The following THSD7B variants were observed in gnomAD, a reference collection of about 807,000 sequenced individuals.
THSD7B encodes the protein thrombospondin type-1 domain-containing protein 7B.
In THSD7B, 138 loss-of-function variants were observed where a neutral mutation model predicts 213.6. The observed-to-expected ratio is 0.65, with a 90% CI of 0.56 to 0.74. THSD7B has a LOEUF of 0.74. THSD7B is among the 30% of genes least tolerant of loss of function. The pLI, the probability that THSD7B is intolerant of heterozygous loss-of-function variation, is 0.00. For missense variants in THSD7B, 1,931 were observed against 1,991.5 expected (o/e 0.97, Z 0.58); for synonymous variants, 742 against 687.0 (o/e 1.08, Z -1.25).
chr2:137,182,969 T>C (rs1680482437), intron 7 of THSD7B, among the ~76,000 whole-genome samples: 1 of 152,168 alleles, frequency 6.6e-6, no homozygotes, highest in Non-Finnish European at 1.5e-5. Flanking sequence ...TGAATACTGC[T>C]GCAGAAATGT....
chr2:137,529,492 A>T (rs1335007809), intron 15 of THSD7B, among the ~76,000 whole-genome samples: 1 of 146,256 alleles, frequency 6.8e-6, no homozygotes, highest in Non-Finnish European at 1.5e-5. Context: ...GGAGGAGTTG[A>T]ACCTTGAAAG....
At chr2:137,363,352 C>T (rs984958576) in intron 12 of THSD7B, among the ~76,000 whole-genome samples, 1 of 152,072 alleles carries the variant, frequency 6.6e-6, no homozygotes, top group Non-Finnish European at 1.5e-5. Flanking sequence ...CAAACAAATT[C>T]AAAAGCTAGC....
intron 5 of THSD7B, chr2:137,156,192 G>T (rs1369936498): frequency 6.6e-6 from 1 of 152,176 alleles, no homozygotes; most frequent in Non-Finnish European, 1.5e-5. Flanking sequence ...TCTGAAGCTG[G>T]TAAGTTCTTT....
At chr2:137,621,734 A>G (rs1436979611) in intron 20 of THSD7B, among the ~76,000 whole-genome samples, 1 of 152,330 alleles carries the variant, frequency 6.6e-6, no homozygotes, top group African/African-American at 2.4e-5. Flanking sequence ...ATCCTGGTAC[A>G]CTGTTAGTAC....
intron 12 of THSD7B, among the ~76,000 whole-genome samples, chr2:137,317,269 A>G (rs1315383015): frequency 1.3e-5 from 2 of 152,210 alleles, no homozygotes; most frequent in East Asian, 3.8e-4. Context: ...TATGATACAA[A>G]CATCAAGTAT....
intron 17 of THSD7B, among the ~76,000 whole-genome samples, chr2:137,595,826 T>C (rs1292976113): frequency 6.6e-6 from 1 of 151,938 alleles, no homozygotes; most frequent in Non-Finnish European, 1.5e-5. Context: ...AATAATATTA[T>C]TACAAACTTC....
chr2:137,411,800 C>T lies in THSD7B; in HGVS notation c.2887C>T (p.Leu963=). ...QADSKECGEG[L]RFRAVACSDK... ...AGACAGCAAAGAATGTGGAGAAGGC[C>T]TGCGCTTTCGAGCAGTAGCCTGTTC... is the stretch of plus-strand genomic sequence containing the variant. Residue 963 remains leucine (L), a synonymous_variant, in exon 14 of 28, where the codon CTG becomes TTG. Coordinates refer to ENST00000409968, the MANE Select transcript of THSD7B (RefSeq NM_001316349.2). The T allele has an allele frequency of 1.2e-6, 2 of 1,613,944 alleles. No individual in the cohort carries two copies. Among genetic ancestry groups the T allele is most frequent in the Non-Finnish European group, 1.7e-6 (2 of 1,179,882 alleles).
chr2:136,847,841 G>A (rs1206302184), intron 1 of THSD7B, among the ~76,000 whole-genome samples: 1 of 152,138 alleles, frequency 6.6e-6, no homozygotes, highest in East Asian at 1.9e-4. Flanking sequence ...CTTCTATTTA[G>A]TTTGAATGAA....
At chr2:137,469,174 C>T (rs1221997872) in intron 15 of THSD7B, among the ~76,000 whole-genome samples, 1 of 152,130 alleles carries the variant, frequency 6.6e-6, no homozygotes, top group Non-Finnish European at 1.5e-5. Context: ...TTAAGTCTCC[C>T]ATGTCTAAGA....
At chr2:137,351,276 G>A (rs915584138) in intron 12 of THSD7B, among the ~76,000 whole-genome samples, 1 of 151,884 alleles carries the variant, frequency 6.6e-6, no homozygotes, top group Admixed American at 6.6e-5. Context: ...GCTTAACATA[G>A]AAGATATGCA....
At chr2:137,373,210 C>A (rs1379750428) in intron 12 of THSD7B, among the ~76,000 whole-genome samples, 1 of 152,166 alleles carries the variant, frequency 6.6e-6, no homozygotes, top group African/African-American at 2.4e-5. Flanking sequence ...TGGGTATATA[C>A]CCAGTAATGG....
chr2:137,288,869 G>A (rs964174201), intron 12 of THSD7B, among the ~76,000 whole-genome samples: 3 of 151,512 alleles, frequency 2.0e-5, no homozygotes, highest in African/African-American at 7.3e-5. Context: ...AAGCACAGAG[G>A]GCATGTAAAG....
At chr2:137,639,045 T>C (rs1363964811) in intron 20 of THSD7B, among the ~76,000 whole-genome samples, 3 of 151,694 alleles carry the variant, frequency 2.0e-5, no homozygotes, top group Non-Finnish European at 4.4e-5. Flanking sequence ...TCAAGCCAGC[T>C]GCAGAAATTT....
intron 7 of THSD7B, among the ~76,000 whole-genome samples, chr2:137,223,374 T>G (rs915927463): frequency 6.6e-6 from 1 of 152,228 alleles, no homozygotes; most frequent in African/African-American, 2.4e-5. Context: ...TCCAACATTG[T>G]TACGTACATG....
intron 2 of THSD7B, among the ~76,000 whole-genome samples, chr2:136,951,111 G>A (rs1327457699): frequency 6.6e-6 from 1 of 152,176 alleles, no homozygotes; most frequent in Non-Finnish European, 1.5e-5. Context: ...TGAAGGGCAT[G>A]AGGGAGGCCT....
intron 2 of THSD7B, among the ~76,000 whole-genome samples, chr2:136,941,986 C>T (rs1291845685): frequency 6.6e-6 from 1 of 152,162 alleles, no homozygotes; most frequent in Non-Finnish European, 1.5e-5. Context: ...TTAGGTCTAA[C>T]ATTTAAGTCT....
intron 15 of THSD7B, among the ~76,000 whole-genome samples, chr2:137,558,391 A>T (rs1681031838): frequency 2.6e-5 from 4 of 152,224 alleles, no homozygotes. Context: ...CATCCCTGGG[A>T]TGCAAGGCTG....
At chr2:137,172,926 G>A (rs757724062) in intron 7 of THSD7B, among the ~76,000 whole-genome samples, 2 of 152,116 alleles carry the variant, frequency 1.3e-5, no homozygotes, top group Non-Finnish European at 2.9e-5. Flanking sequence ...AGTAAGAAGT[G>A]AAGTATGGAA....
chr2:136,935,287 C>T (rs1414339110), intron 2 of THSD7B, among the ~76,000 whole-genome samples: 4 of 152,106 alleles, frequency 2.6e-5, no homozygotes, highest in Non-Finnish European at 5.9e-5. Context: ...CACTACCTCC[C>T]AGTGGTGGTG....
Sources: allele counts gnomAD v4.1 joint callset (sites outside exome capture counted in the v4.1 genomes callset), GRCh38; gene constraint gnomAD v4.1.1; transcripts MANE v1.5; gene names NCBI Gene and HGNC (gene_info 2026-07-23, HGNC 2026-07-21).